MAGI2: variants seen among roughly 807,000 people sequenced by gnomAD.
MAGI2 encodes the protein membrane-associated guanylate kinase, WW and PDZ domain-containing protein 2.
A neutral mutation model predicts 133.3 loss-of-function variants in MAGI2; 35 were observed. The ratio of observed to expected loss-of-function variants is 0.26; its 90% CI spans 0.20 to 0.35. The LOEUF (loss-of-function observed/expected upper bound fraction) is 0.35, where lower values mean the gene tolerates loss of function less well. Among genes scored for constraint, MAGI2 ranks in the 10% least tolerant of loss-of-function variants. MAGI2 has a pLI of 1.00. For synonymous variants in MAGI2, 729 were observed against 710.6 expected (o/e 1.03, Z -0.41); for missense variants, 1,636 against 1,863.4 (o/e 0.88, Z 2.25).
At chr7:79,057,083 A>G in intron 1 of MAGI2, among the ~76,000 whole-genome samples, 1 of 152,180 alleles carries the variant, frequency 6.6e-6, no homozygotes, top group East Asian at 1.9e-4. Context: ...GCTATTCTGA[A>G]AACATTCTTT....
chr7:79,070,029 C>A (rs553491467), intron 1 of MAGI2, among the ~76,000 whole-genome samples: 3 of 152,092 alleles, frequency 2.0e-5, no homozygotes, highest in African/African-American at 7.2e-5. Flanking sequence ...TCTCTGCCTA[C>A]CCTTAACTTT....
At chr7:78,801,121 A>G (rs1583943462) in intron 2 of MAGI2, among the ~76,000 whole-genome samples, 1 of 152,168 alleles carries the variant, frequency 6.6e-6, no homozygotes, top group African/African-American at 2.4e-5. Context: ...AGAAAAATGA[A>G]TATGTGTTTC....
chr7:79,375,113 G>T (rs1843296587), intron 1 of MAGI2, among the ~76,000 whole-genome samples: 3 of 151,888 alleles, frequency 2.0e-5, no homozygotes. Context: ...TATTAAAAAG[G>T]AAACAACTAA....
intron 2 of MAGI2, among the ~76,000 whole-genome samples, chr7:78,886,513 C>T (rs1456297622): frequency 6.6e-6 from 1 of 152,136 alleles, no homozygotes; most frequent in Admixed American, 6.5e-5. Flanking sequence ...AGCCATGTCT[C>T]CACAAATATC....
chr7:78,626,901 A>T (rs1808423827), intron 3 of MAGI2, among the ~76,000 whole-genome samples: 1 of 150,816 alleles, frequency 6.6e-6, no homozygotes, highest in Non-Finnish European at 1.5e-5. Flanking sequence ...TATATATAAA[A>T]TATAAAATAT....
At chr7:79,217,240 C>A (rs848813) in intron 1 of MAGI2, among the ~76,000 whole-genome samples, 13 of 151,844 alleles carry the variant, frequency 8.6e-5, no homozygotes, top group African/African-American at 3.2e-4. Context: ...CAAATATTCT[C>A]GGAGTTTAAT....
At chr7:78,582,023 G>A (rs1802888554) in intron 3 of MAGI2, among the ~76,000 whole-genome samples, 1 of 152,130 alleles carries the variant, frequency 6.6e-6, no homozygotes, top group African/African-American at 2.4e-5. Context: ...TCCTTCCTAG[G>A]TTTTATAACT....
rs564535048 is a variant in MAGI2 at position 78,520,035 on chromosome 7, C to T, written c.754+1395G>A. Among the ~76,000 whole-genome samples the T allele has an allele frequency of 1.7e-3, 255 of 152,232 alleles. 1 individual carries two copies. Among genetic ancestry groups the T allele is most frequent in the South Asian group, 7.1e-3 (34 of 4,822 alleles). On this transcript the variant is annotated intron_variant, in intron 4 of 21. Transcript: ENST00000354212. The stretch of plus-strand genomic sequence containing the variant: ...CAAAAAAGAGGAAGGTATCTAATTG[C>T]TTGAAAATTGCCACATCATTTCATA...
chr7:78,093,350 A>AGGCTGAGGCAGGAGAAT (rs1333121504), intron 20 of MAGI2, among the ~76,000 whole-genome samples: 2 of 151,850 alleles, frequency 1.3e-5, no homozygotes, highest in African/African-American at 4.8e-5. Context: ...ACTACTCTGG[A>AGGCTGAGGCAGGAGAAT]GGCTGAGGCA....
intron 10 of MAGI2, among the ~76,000 whole-genome samples, chr7:78,218,789 A>G (rs755616981): frequency 6.6e-6 from 1 of 152,178 alleles, no homozygotes; most frequent in Non-Finnish European, 1.5e-5. Context: ...GCTCATTCTC[A>G]GCTTGGATTC....
chr7:79,381,578 C>T (rs1015042836), intron 1 of MAGI2, among the ~76,000 whole-genome samples: 11 of 151,520 alleles, frequency 7.3e-5, no homozygotes, highest in African/African-American at 2.2e-4. Flanking sequence ...AATAATGGCC[C>T]ATAAAAATCA....
At chr7:78,193,213 T>C (rs1023023975) in intron 12 of MAGI2, among the ~76,000 whole-genome samples, 2 of 152,122 alleles carry the variant, frequency 1.3e-5, no homozygotes, top group Non-Finnish European at 2.9e-5. Context: ...AAGCTTTGCA[T>C]TGGCTAGGAA....
At chr7:78,745,301 T>C (rs1563444464) in intron 2 of MAGI2, among the ~76,000 whole-genome samples, 1 of 152,128 alleles carries the variant, frequency 6.6e-6, no homozygotes, top group African/African-American at 2.4e-5. Context: ...CCTCTGCAGT[T>C]TGATTGCAAG....
chr7:78,603,288 A>T (rs1184596159), intron 3 of MAGI2, among the ~76,000 whole-genome samples: 1 of 152,216 alleles, frequency 6.6e-6, no homozygotes, highest in Non-Finnish European at 1.5e-5. Context: ...TAAAGGAGGA[A>T]GTAATGAGAG....
chr7:78,268,219 T>A (rs1406454572), intron 9 of MAGI2, among the ~76,000 whole-genome samples: 1 of 152,126 alleles, frequency 6.6e-6, no homozygotes, highest in Non-Finnish European at 1.5e-5. Context: ...ATCAAGTTCC[T>A]TCAAATTATT....
At chr7:79,067,417 G>A (rs754660918) in intron 1 of MAGI2, among the ~76,000 whole-genome samples, 4 of 152,240 alleles carry the variant, frequency 2.6e-5, no homozygotes, top group Non-Finnish European at 5.9e-5. Context: ...TCTGTTAATG[G>A]TGTATAGGAA....
intron 2 of MAGI2, among the ~76,000 whole-genome samples, chr7:78,945,207 G>A (rs950206240): frequency 2.6e-5 from 4 of 151,468 alleles, no homozygotes; most frequent in Non-Finnish European, 4.4e-5. Flanking sequence ...GAGCATAGGC[G>A]TGCATCCCCA....
intron 1 of MAGI2, among the ~76,000 whole-genome samples, chr7:79,330,578 TA>T (rs1303200595): frequency 1.3e-5 from 2 of 152,110 alleles, no homozygotes; most frequent in African/African-American, 2.4e-5. Context: ...CTGATTTATT[TA>T]AGTTTTTTGT....
At chr7:78,441,067 A>G (rs1562999438) in intron 6 of MAGI2, among the ~76,000 whole-genome samples, 1 of 152,058 alleles carries the variant, frequency 6.6e-6, no homozygotes, top group Non-Finnish European at 1.5e-5. Flanking sequence ...ATCAATTCTT[A>G]CTTGTTAGTC....
Sources: allele counts gnomAD v4.1 joint callset (sites outside exome capture counted in the v4.1 genomes callset), GRCh38; gene constraint gnomAD v4.1.1; transcripts MANE v1.5; gene names NCBI Gene and HGNC (gene_info 2026-07-23, HGNC 2026-07-21).